The following NLGN4X variants were observed in gnomAD, a reference collection of about 807,000 sequenced individuals.
NLGN4X encodes the protein neuroligin-4, X-linked.
In NLGN4X, 3 loss-of-function variants were observed where a neutral mutation model predicts 40.3. That is an observed-to-expected ratio of 0.07 (90% confidence interval 0.03 to 0.19). The LOEUF (loss-of-function observed/expected upper bound fraction) is 0.19, where lower values mean the gene tolerates loss of function less well. Among genes scored for constraint, NLGN4X ranks in the 10% least tolerant of loss-of-function variants. The pLI is 1.00. For missense variants in NLGN4X, 382 were observed against 708.3 expected, an observed-to-expected ratio of 0.54 and a Z score of 5.23; for synonymous variants, 270 against 306.8, an observed-to-expected ratio of 0.88 and a Z score of 1.25.
intron 3 of NLGN4X, among the ~76,000 whole-genome samples, chrX:5,988,146 A>G (rs924424853): frequency 1.4e-4 from 16 of 111,686 alleles, no homozygotes; most frequent in African/African-American, 5.2e-4. Flanking sequence ...TTCTCAATGG[A>G]CACACTTCCG....
intron 3 of NLGN4X, among the ~76,000 whole-genome samples, chrX:5,979,308 C>G (rs1437352928): frequency 9.0e-6 from 1 of 111,565 alleles, no homozygotes; most frequent in East Asian, 2.8e-4. Context: ...TGAATACATT[C>G]AGGTTCTTGG....
chrX:6,170,192 A>G (rs1249347043), intron 1 of NLGN4X, among the ~76,000 whole-genome samples: 1 of 111,099 alleles, frequency 9.0e-6, no homozygotes. Flanking sequence ...CTTGGGCTCA[A>G]GCAATCCTCC....
rs533544819 is a variant in NLGN4X at position 5,896,884 on chromosome X, G to C, written c.1602-3218C>G. 9.2e-4 allele frequency among the ~76,000 whole-genome samples: 103 copies of C among 112,127 alleles called. No homozygotes were observed. In the South Asian group the frequency reaches 0.035, roughly 38 times the overall value. ...CTTAAAATTCCTTTTTGGTAATAAA[G>C]GTCGCCTTTACAGCCAGAATTACGC... On this transcript the variant is annotated intron_variant, in intron 5 of 5. Coordinates refer to ENST00000381095, the MANE Select transcript of NLGN4X (RefSeq NM_181332.3).
intron 2 of NLGN4X, among the ~76,000 whole-genome samples, chrX:6,099,028 C>T (rs2038846648): frequency 8.9e-6 from 1 of 112,152 alleles, no homozygotes; most frequent in Admixed American, 9.5e-5. Context: ...TCCCACTAGA[C>T]ATCAGCAACA....
chrX:6,118,751 T>C (rs763558483), intron 2 of NLGN4X, among the ~76,000 whole-genome samples: 54 of 111,663 alleles, frequency 4.8e-4, no homozygotes, highest in Non-Finnish European at 8.3e-4. Flanking sequence ...AAAATTACAT[T>C]GTGGGTTCCA....
intron 2 of NLGN4X, among the ~76,000 whole-genome samples, chrX:6,126,730 T>G (rs976320515): frequency 2.7e-5 from 3 of 112,191 alleles, no homozygotes; most frequent in Non-Finnish European, 5.6e-5. Context: ...AAACCAACAT[T>G]TCAATAAATA....
chrX:6,014,180 C>G (rs1177194135), intron 3 of NLGN4X, among the ~76,000 whole-genome samples: 1 of 104,758 alleles, frequency 9.5e-6, no homozygotes, highest in African/African-American at 3.5e-5. Context: ...GACTCCATCT[C>G]AGAGAGAGAA....
intron 3 of NLGN4X, among the ~76,000 whole-genome samples, chrX:5,925,819 T>A (rs1401090202): frequency 2.5e-5 from 2 of 79,256 alleles, no homozygotes; most frequent in Non-Finnish European, 4.8e-5. Context: ...TGGTAATGAA[T>A]CCCACCATAT....
intron 3 of NLGN4X, among the ~76,000 whole-genome samples, chrX:6,014,556 G>C (rs2036342674): frequency 8.9e-6 from 1 of 111,847 alleles, no homozygotes; most frequent in Non-Finnish European, 1.9e-5. Flanking sequence ...TTTCGTGAAG[G>C]AGAGAGTCAT....
In NLGN4X at chrX:5,942,905, A is replaced by G. The variant is rs545226364; in HGVS notation, c.626-33666T>C. 4.5e-5 allele frequency among the ~76,000 whole-genome samples: 5 copies of G among 110,917 alleles called. No homozygotes were observed. In the South Asian group the frequency reaches 1.9e-3, roughly 43 times the overall value. Reference sequence around the variant, plus strand: ...GGTAAGCAGAATTATAAAGTCATCCACCCAAGATTCTCGTTCCCCTGGTTA... The same window carrying G: ...GGTAAGCAGAATTATAAAGTCATCCGCCCAAGATTCTCGTTCCCCTGGTTA... On this transcript the variant is annotated intron_variant, in intron 3 of 5. Transcript: ENST00000381095.
In NLGN4X at chrX:5,893,051, G is replaced by A. The variant is rs369528412; in HGVS notation, c.2217C>T (p.His739=). The stretch of plus-strand genomic sequence containing the variant: ...CCTGCAGCGACTCACACTCGTGATC[G>A]TGTTCCAGCTGCTTCATCTGCAGAG... ...IMSLQMKQLE[H]DHECESLQAH... The change falls in exon 6 of 6, where the codon CAC becomes CAT. Residue 739 remains histidine (H), a synonymous_variant. Coordinates refer to ENST00000381095, the MANE Select transcript of NLGN4X (RefSeq NM_181332.3). 2.4e-5 allele frequency: 29 copies of A among 1,209,156 alleles called. No homozygotes were observed. Among genetic ancestry groups the A allele is most frequent in the Admixed American group, 1.1e-4 (5 of 45,607 alleles).
intron 5 of NLGN4X, among the ~76,000 whole-genome samples, chrX:5,894,414 G>C (rs2031374857): frequency 8.9e-6 from 1 of 112,277 alleles, no homozygotes; most frequent in South Asian, 3.7e-4. Flanking sequence ...CCATGTGTTT[G>C]CTCTCTATTT....
rs192700817 is a variant in NLGN4X at position 6,007,528 on chromosome X, A to G, written c.625+21752T>C. Among the ~76,000 whole-genome samples the G allele has an allele frequency of 3.8e-3, 427 of 112,574 alleles. 4 individuals are homozygous for G. Among genetic ancestry groups the G allele is most frequent in the African/African-American group, 0.013 (408 of 31,049 alleles). On this transcript the variant is annotated intron_variant, in intron 3 of 5. Coordinates refer to ENST00000381095, the MANE Select transcript of NLGN4X (RefSeq NM_181332.3). ...AAATAAAAGCAGGTTTTCTTAAAAC[A>G]TTGTATTATTTTGTTCTTAAAATAA... is the stretch of plus-strand genomic sequence containing the variant.
At chrX:6,149,136 C>G (rs1334109722) in intron 2 of NLGN4X, among the ~76,000 whole-genome samples, 1 of 112,064 alleles carries the variant, frequency 8.9e-6, no homozygotes, top group East Asian at 2.8e-4. Context: ...TATTTACATT[C>G]CTCAAATTTT....
At chrX:6,027,497 A>G (rs893065992) in intron 3 of NLGN4X, among the ~76,000 whole-genome samples, 1 of 111,630 alleles carries the variant, frequency 9.0e-6, no homozygotes, top group Non-Finnish European at 1.9e-5. Context: ...TTCTTTATCA[A>G]TGTTTCAAAA....
In NLGN4X at chrX:6,058,804, A is replaced by G. The variant is rs183736223; in HGVS notation, c.473-29372T>C. ...GCCTGAAGCTCTATGCAATTATACAACCTGTTTAAAAATAATAAAAACACT... is the reference window on the plus strand; with the variant it reads ...GCCTGAAGCTCTATGCAATTATACAGCCTGTTTAAAAATAATAAAAACACT... On this transcript the variant is annotated intron_variant, in intron 2 of 5. Transcript: ENST00000381095. Among the ~76,000 whole-genome samples the G allele has an allele frequency of 3.9e-3, 435 of 111,970 alleles. 1 individual carries two copies. Among genetic ancestry groups the G allele is most frequent in the Non-Finnish European group, 7.2e-3 (384 of 53,184 alleles).
At chrX:5,998,910 T>C (rs1391162817) in intron 3 of NLGN4X, among the ~76,000 whole-genome samples, 1 of 112,590 alleles carries the variant, frequency 8.9e-6, no homozygotes, top group Non-Finnish European at 1.9e-5. Context: ...ATGATCACAG[T>C]TTCATTTTAA....
At chrX:6,225,632 T>C in intron 1 of NLGN4X, among the ~76,000 whole-genome samples, 1 of 102,045 alleles carries the variant, frequency 9.8e-6, no homozygotes, top group East Asian at 3.0e-4. Context: ...TTCTGCTTCG[T>C]CAGGATAACG....
chrX:5,968,462 TGTGTGTGTGTG>T (rs2034907699), intron 3 of NLGN4X, among the ~76,000 whole-genome samples: 1 of 15,391 alleles, frequency 6.5e-5, no homozygotes, highest in Non-Finnish European at 1.4e-4. Context: ...TCTCTCTGTG[TGTGTGTGTGTG>T]TGTGTGTGTG....
Sources: gnomAD v4.1 joint callset for allele counts (sites outside exome capture counted in the v4.1 genomes callset) on GRCh38, gnomAD v4.1.1 for gene constraint, MANE v1.5 for transcripts, NCBI Gene and HGNC (gene_info 2026-07-23, HGNC 2026-07-21) for gene names.